SMARCC1: variants seen among roughly 807,000 people sequenced by gnomAD.
The protein encoded by SMARCC1 is SWI/SNF related BAF chromatin remodeling complex subunit C1.
In SMARCC1, 43 loss-of-function variants were observed where a neutral mutation model predicts 147.4. That is an observed-to-expected ratio of 0.29 (90% CI 0.23 to 0.38). The LOEUF (loss-of-function observed/expected upper bound fraction) is 0.38. Ranked by LOEUF, SMARCC1 falls within the 10% of genes least tolerant of loss-of-function variation. The probability of loss-of-function intolerance (pLI) is 1.00; values close to 1 mark genes in which losing one functional copy is unlikely to be tolerated. For missense variants in SMARCC1, 1,119 were observed against 1,381.1 expected (o/e 0.81, Z 3.01); for synonymous variants, 495 against 484.4 (o/e 1.02, Z -0.29).
At chr3:47,768,964 C>A (rs2034874350) in intron 2 of SMARCC1, among the ~76,000 whole-genome samples, 1 of 152,038 alleles carries the variant, frequency 6.6e-6, no homozygotes, top group Non-Finnish European at 1.5e-5. Context: ...AATCCCAGCA[C>A]TTTGGGAGGG....
In SMARCC1 at chr3:47,587,011, T is replaced by C. The variant is rs930370202; in HGVS notation, c.*1198A>G. ...TTCCTTGTTACCCTCAGCATCTCTT[T>C]GAAAACCCTGTGATAGATGGAATGT... On this transcript the variant is annotated 3_prime_UTR_variant, in exon 28 of 28. Transcript: ENST00000254480. The C allele has an allele frequency of 1.3e-5, 2 of 152,582 alleles. No homozygotes were observed. Among genetic ancestry groups the C allele is most frequent in the African/African-American group, 2.4e-5 (1 of 41,432 alleles). 9.5% of individuals were successfully genotyped at this position (152,582 alleles called of 1,614,324 possible).
intron 2 of SMARCC1, among the ~76,000 whole-genome samples, chr3:47,767,709 A>C (rs1247572156): frequency 6.6e-6 from 1 of 151,208 alleles, no homozygotes; most frequent in East Asian, 2.0e-4. Context: ...CTATACTAAA[A>C]ATACAAAAAT....
chr3:47,719,608 CAGG>C (rs1219910289), intron 7 of SMARCC1, among the ~76,000 whole-genome samples: 1 of 151,966 alleles, frequency 6.6e-6, no homozygotes, highest in East Asian at 1.9e-4. Context: ...AGGATGGAGG[CAGG>C]AGAATCACTT....
At chr3:47,698,499 A>G (rs2033881413) in intron 11 of SMARCC1, among the ~76,000 whole-genome samples, 2 of 152,154 alleles carry the variant, frequency 1.3e-5, no homozygotes, top group African/African-American at 4.8e-5. Context: ...AAAGTGCCAG[A>G]ATACATGATT....
intron 13 of SMARCC1, among the ~76,000 whole-genome samples, chr3:47,687,530 G>A (rs915002270): frequency 1.3e-5 from 2 of 152,280 alleles, no homozygotes; most frequent in Non-Finnish European, 1.5e-5. Flanking sequence ...ATATATAAAC[G>A]ACTGGTATAT....
intron 4 of SMARCC1, 147 bp from the exon 5 acceptor site, chr3:47,736,273 T>C (rs142987136): frequency 0.015 from 8,163 of 556,508 alleles, 104 homozygotes; most frequent in Middle Eastern, 0.037. Context: ...AGCAACTTTT[T>C]CATTAAGATA....
At chr3:47,638,658 C>A in intron 22 of SMARCC1, 67 bp downstream of exon 22, 2 of 1,193,990 alleles carry the variant, frequency 1.7e-6, no homozygotes, top group Non-Finnish European at 2.5e-6. Flanking sequence ...CTCAAAAACA[C>A]CCAAAAAACA....
chr3:47,625,701 T>C (rs2032800343), intron 24 of SMARCC1, among the ~76,000 whole-genome samples: 1 of 152,102 alleles, frequency 6.6e-6, no homozygotes, highest in South Asian at 2.1e-4. Context: ...TAGATCTAAA[T>C]ATAAAAGTAT....
chr3:47,691,189 C>A (rs1173957850), intron 12 of SMARCC1, among the ~76,000 whole-genome samples: 1 of 152,124 alleles, frequency 6.6e-6, no homozygotes, highest in African/African-American at 2.4e-5. Context: ...AATAAATGTT[C>A]TCTTCCTCCT....
chr3:47,712,256 C>A lies in SMARCC1; in HGVS notation c.793-1448G>T, dbSNP rs113807958. Reference sequence around the variant, plus strand: ...TCAAAATAAATAACTAACTAACTAACTAAATAAATAAATAGAGTATATAAA... The same window carrying A: ...TCAAAATAAATAACTAACTAACTAAATAAATAAATAAATAGAGTATATAAA... On this transcript the variant is annotated intron_variant, in intron 8 of 27. Transcript: ENST00000254480. Among the ~76,000 whole-genome samples, 381 of 151,068 alleles carry A rather than the reference C, an allele frequency of 2.5e-3. 1 individual carries two copies. The highest frequency in any genetic ancestry group is 6.8e-3 in the African/African-American group (278 of 41,104).
intron 2 of SMARCC1, among the ~76,000 whole-genome samples, chr3:47,760,229 G>C (rs1333621347): frequency 2.0e-5 from 3 of 151,718 alleles, no homozygotes; most frequent in Non-Finnish European, 4.4e-5. Flanking sequence ...CATGAGAATC[G>C]CATGAACCCA....
intron 7 of SMARCC1, among the ~76,000 whole-genome samples, chr3:47,718,083 G>C (rs552393056): frequency 5.6e-4 from 80 of 141,670 alleles, no homozygotes; most frequent in African/African-American, 2.1e-3. Context: ...AGGATCACTT[G>C]AGCTGTCTTC....
At chr3:47,638,631 G>C (rs1311475512) in intron 22 of SMARCC1, 94 bp downstream of exon 22, 6 of 810,106 alleles carry the variant, frequency 7.4e-6, no homozygotes, top group African/African-American at 1.7e-5. Flanking sequence ...GAATTATTTA[G>C]AGTCCCCTAA....
In SMARCC1 at chr3:47,635,734, T is replaced by C. The variant is rs554448143; in HGVS notation, c.2491+288A>G. Among the ~76,000 whole-genome samples the C allele has an allele frequency of 7.9e-5, 12 of 152,330 alleles. No homozygotes were observed. The South Asian group carries it at 2.5e-3, about 32-fold the overall frequency. Reference sequence around the variant, plus strand: ...ACTACTTCTCTAAGCCTGACAGGCATGATGGGGTGTATCAGCAACTGACAC... The same window carrying C: ...ACTACTTCTCTAAGCCTGACAGGCACGATGGGGTGTATCAGCAACTGACAC... On this transcript the variant is annotated intron_variant, in intron 23 of 27. Transcript: ENST00000254480.
chr3:47,659,768 G>T lies in SMARCC1; in HGVS notation c.2320+1526C>A, dbSNP rs534235517. Among the ~76,000 whole-genome samples, 42 of 116,946 alleles carry T rather than the reference G, an allele frequency of 3.6e-4. 9 individuals carry two copies. The highest frequency in any genetic ancestry group is 1.3e-3 in the African/African-American group (41 of 31,546). The allele number at this position is 116,946 out of a possible 152,430, so 76.7% of individuals were successfully genotyped here. A position where few individuals can be genotyped will look rare whatever the true frequency, so the allele number is the denominator to read the frequency against. The stretch of plus-strand genomic sequence containing the variant: ...CTACTAAGAAAAAAAAAAGGGGGGG[G>T]GGGCAAGAATCTGAGTAGGTATTTC... On this transcript the variant is annotated intron_variant, in intron 21 of 27. Coordinates refer to ENST00000254480, the MANE Select transcript of SMARCC1 (RefSeq NM_003074.4).
Position 47,673,026 on chromosome 3 carries a change from A to G in SMARCC1, c.1840-2309T>C, listed in dbSNP as rs186769903. On this transcript the variant is annotated intron_variant, in intron 18 of 27. Transcript: ENST00000254480. Reference sequence around the variant, plus strand: ...CTCTCTTGATAACAATTGGCTCTACAATATAAGCCTCATTAGAGCCCACAA... The same window carrying G: ...CTCTCTTGATAACAATTGGCTCTACGATATAAGCCTCATTAGAGCCCACAA... Among the ~76,000 whole-genome samples, 304 of 152,112 alleles carry G rather than the reference A, an allele frequency of 2.0e-3. 3 individuals carry two copies. Among genetic ancestry groups the G allele is most frequent in the African/African-American group, 6.8e-3 (281 of 41,508 alleles).
chr3:47,781,596 A>C lies in SMARCC1; in HGVS notation c.195+7T>G. 6.6e-7 allele frequency: 1 copy of C among 1,517,000 alleles called. No homozygotes were observed. Among genetic ancestry groups the C allele is most frequent in the Non-Finnish European group, 8.8e-7 (1 of 1,136,782 alleles). 94.0% of individuals were successfully genotyped at this position (1,517,000 alleles called of 1,614,324 possible). A position where few individuals can be genotyped will look rare whatever the true frequency, so the allele number is the denominator to read the frequency against. On this transcript the variant is annotated splice_region_variant and intron_variant, in intron 1 of 27. Transcript: ENST00000254480. ...GTCTCCCGGCCCCCACGGGCGCGCG[A>C]ACCCACCTTCTTGTAGTGCTTGCCC...
chr3:47,684,671 G>C (rs2033699488), intron 14 of SMARCC1, among the ~76,000 whole-genome samples: 1 of 152,048 alleles, frequency 6.6e-6, no homozygotes, highest in South Asian at 2.1e-4. Flanking sequence ...TTGAACTGCT[G>C]ACCTCAGGTG....
chr3:47,640,845 T>TA (rs970646111), intron 21 of SMARCC1, among the ~76,000 whole-genome samples: 15 of 150,368 alleles, frequency 1.0e-4, no homozygotes, highest in East Asian at 3.9e-4. Flanking sequence ...CAAATTATAC[T>TA]AAAAAAAAAG....
Sources: gnomAD v4.1 joint callset for allele counts (sites outside exome capture counted in the v4.1 genomes callset) on GRCh38, gnomAD v4.1.1 for gene constraint, MANE v1.5 for transcripts, NCBI Gene and HGNC (gene_info 2026-07-23, HGNC 2026-07-21) for gene names.